Variants in LRRC4C observed in about 807,000 individuals in gnomAD.
LRRC4C encodes the protein leucine rich repeat containing 4C.
A neutral mutation model predicts 33.6 loss-of-function variants in LRRC4C; 5 were observed. The ratio of observed to expected loss-of-function variants is 0.15; its 90% CI spans 0.08 to 0.31. LRRC4C has a LOEUF of 0.31. LRRC4C is among the 10% of genes least tolerant of loss of function. The pLI, the probability that LRRC4C is intolerant of heterozygous loss-of-function variation, is 1.00. For missense variants in LRRC4C, 560 were observed against 796.7 expected (o/e 0.70, Z 3.58); for synonymous variants, 329 against 302.0 (o/e 1.09, Z -0.93).
At chr11:41,362,723 T>C (rs1010510716) in intron 1 of LRRC4C, among the ~76,000 whole-genome samples, 12 of 152,172 alleles carry the variant, frequency 7.9e-5, no homozygotes, top group African/African-American at 2.7e-4. Context: ...GGTCAGGTTC[T>C]CATGGAAGGC....
intron 2 of LRRC4C, among the ~76,000 whole-genome samples, chr11:40,738,743 A>G (rs988256887): frequency 1.3e-5 from 2 of 152,070 alleles, no homozygotes; most frequent in Non-Finnish European, 2.9e-5. Context: ...TCTTAAGACA[A>G]TCACAGCCAG....
intron 3 of LRRC4C, among the ~76,000 whole-genome samples, chr11:40,634,213 A>G (rs144967855): frequency 2.3e-3 from 347 of 152,368 alleles, no homozygotes; most frequent in Non-Finnish European, 4.0e-3. Context: ...GGTTCTTTCA[A>G]TAATGATTCC....
At chr11:41,194,853 A>G (rs1946114901) in intron 1 of LRRC4C, among the ~76,000 whole-genome samples, 1 of 152,104 alleles carries the variant, frequency 6.6e-6, no homozygotes, top group African/African-American at 2.4e-5. Context: ...TTGTTATATA[A>G]CAATAGATAA....
chr11:40,343,812 G>C (rs1291646916), intron 3 of LRRC4C, among the ~76,000 whole-genome samples: 5 of 150,654 alleles, frequency 3.3e-5, no homozygotes, highest in Non-Finnish European at 7.4e-5. Context: ...AAATGGCAAA[G>C]GGGTCATTAC....
At chr11:40,134,660 AC>A (rs1407343130) in intron 6 of LRRC4C, among the ~76,000 whole-genome samples, 4 of 152,220 alleles carry the variant, frequency 2.6e-5, no homozygotes, top group Admixed American at 6.5e-5. Flanking sequence ...TTAGGCTCTG[AC>A]TTTTACCTAA....
At chr11:40,174,772 C>T (rs1392190051) in intron 5 of LRRC4C, among the ~76,000 whole-genome samples, 1 of 152,094 alleles carries the variant, frequency 6.6e-6, no homozygotes, top group Admixed American at 6.6e-5. Flanking sequence ...TTTTTTATTG[C>T]ATTATGGTTG....
At chr11:41,163,818 G>A (rs758089064) in intron 1 of LRRC4C, among the ~76,000 whole-genome samples, 60 of 151,868 alleles carry the variant, frequency 4.0e-4, no homozygotes, top group Non-Finnish European at 8.1e-4. Context: ...CACCATGTTG[G>A]CCAGGCTGGT....
At chr11:41,224,407 T>G (rs910270977) in intron 1 of LRRC4C, among the ~76,000 whole-genome samples, 2 of 152,182 alleles carry the variant, frequency 1.3e-5, no homozygotes, top group African/African-American at 2.4e-5. Context: ...GTAACTACAA[T>G]TCTCATCCAA....
chr11:40,980,581 C>T (rs191031630), intron 1 of LRRC4C, among the ~76,000 whole-genome samples: 1 of 152,154 alleles, frequency 6.6e-6, no homozygotes, highest in East Asian at 1.9e-4. Context: ...AAAAAAAAGT[C>T]TAAGCAATTA....
chr11:40,176,732 G>C (rs182737983), intron 5 of LRRC4C, among the ~76,000 whole-genome samples: 160 of 151,906 alleles, frequency 1.1e-3, no homozygotes, highest in African/African-American at 3.6e-3. Context: ...GTAGAAATTG[G>C]ATTTTGTTAT....
chr11:40,738,951 GA>G (rs1948021160), intron 2 of LRRC4C, among the ~76,000 whole-genome samples: 1 of 151,992 alleles, frequency 6.6e-6, no homozygotes, highest in South Asian at 2.1e-4. Flanking sequence ...TATACGCTGT[GA>G]AATGATTAAC....
At chr11:40,713,878 T>A (rs1209995568) in intron 2 of LRRC4C, among the ~76,000 whole-genome samples, 1 of 152,214 alleles carries the variant, frequency 6.6e-6, no homozygotes, top group Non-Finnish European at 1.5e-5. Context: ...CTAGTATGTA[T>A]GCCCTCTTCA....
At chr11:40,786,603 G>T (rs1950419192) in intron 2 of LRRC4C, among the ~76,000 whole-genome samples, 1 of 152,138 alleles carries the variant, frequency 6.6e-6, no homozygotes, top group South Asian at 2.1e-4. Context: ...ACCACAGTAG[G>T]ATTCTTTCCT....
intron 1 of LRRC4C, among the ~76,000 whole-genome samples, chr11:41,153,795 T>C (rs1046769219): frequency 1.3e-5 from 2 of 152,188 alleles, no homozygotes; most frequent in African/African-American, 4.8e-5. Flanking sequence ...CTTGTAAATA[T>C]TACCTCATTT....
intron 5 of LRRC4C, among the ~76,000 whole-genome samples, chr11:40,234,282 A>G (rs1333620836): frequency 6.6e-6 from 1 of 152,226 alleles, no homozygotes; most frequent in African/African-American, 2.4e-5. Context: ...ACAGTCTTGT[A>G]AGGTACGTAT....
intron 1 of LRRC4C, among the ~76,000 whole-genome samples, chr11:41,357,694 T>C (rs918122812): frequency 6.6e-6 from 1 of 152,086 alleles, no homozygotes; most frequent in South Asian, 2.1e-4. Flanking sequence ...CCTGAGAGTA[T>C]ATCTAATGCA....
intron 1 of LRRC4C, among the ~76,000 whole-genome samples, chr11:41,053,505 T>G (rs1858403305): frequency 1.3e-5 from 2 of 152,202 alleles, no homozygotes; most frequent in South Asian, 4.1e-4. Flanking sequence ...TGTAAGACAC[T>G]GAAGTGGAAA....
At chr11:40,267,091 G>T (rs1023248157) in intron 4 of LRRC4C, among the ~76,000 whole-genome samples, 3 of 152,014 alleles carry the variant, frequency 2.0e-5, no homozygotes, top group Non-Finnish European at 2.9e-5. Context: ...TCCTCTTGAG[G>T]ATAAGGGTGG....
At chr11:40,686,957 C>T (rs1944990025) in intron 2 of LRRC4C, among the ~76,000 whole-genome samples, 1 of 152,036 alleles carries the variant, frequency 6.6e-6, no homozygotes, top group African/African-American at 2.4e-5. Flanking sequence ...TACAAAACCT[C>T]AGGCCACACG....
Sources: gnomAD v4.1 joint callset for allele counts (sites outside exome capture counted in the v4.1 genomes callset) on GRCh38, gnomAD v4.1.1 for gene constraint, MANE v1.5 for transcripts, NCBI Gene and HGNC (gene_info 2026-07-23, HGNC 2026-07-21) for gene names.